Variants in FSTL4 observed in about 807,000 individuals in gnomAD.
The protein encoded by FSTL4 is follistatin like 4, also known as follistatin-related protein 4.
FSTL4 carries 28 observed loss-of-function variants against 78.2 expected under a neutral mutation model. That is an observed-to-expected ratio of 0.36 (90% CI 0.27 to 0.49). The LOEUF (loss-of-function observed/expected upper bound fraction) is 0.49. FSTL4 is among the 20% of genes least tolerant of loss of function. The pLI, the probability that FSTL4 is intolerant of heterozygous loss-of-function variation, is 0.98. For missense variants in FSTL4, 922 were observed against 1,084.9 expected (o/e 0.85, Z 2.11); for synonymous variants, 422 against 440.5 (o/e 0.96, Z 0.53).
chr5:133,223,975 T>TA, intron 11 of FSTL4: 1 of 499,618 alleles, frequency 2.0e-6, no homozygotes, highest in Admixed American at 3.8e-5. Flanking sequence ...AAGCCACTTT[T>TA]AATGAAAGCT....
chr5:133,653,665 C>T, the FSTL4 span, among the ~76,000 whole-genome samples: 1 of 152,250 alleles, frequency 6.6e-6, no homozygotes, highest in East Asian at 1.9e-4. Flanking sequence ...CAGTCCACCA[C>T]TGTCCATGCT....
At chr5:133,206,334 T>C (rs1750503746) in intron 14 of FSTL4, among the ~76,000 whole-genome samples, 1 of 151,674 alleles carries the variant, frequency 6.6e-6, no homozygotes, top group African/African-American at 2.4e-5. Flanking sequence ...GTTCTAAAAT[T>C]TGTTGCCTCA....
At chr5:133,525,415 T>G (rs950445034) in intron 3 of FSTL4, among the ~76,000 whole-genome samples, 1 of 152,140 alleles carries the variant, frequency 6.6e-6, no homozygotes, top group African/African-American at 2.4e-5. Context: ...TTAGGGAGAA[T>G]TAGAGCAAGC....
intron 3 of FSTL4, among the ~76,000 whole-genome samples, chr5:133,404,933 T>C (rs1191477438): frequency 6.6e-6 from 1 of 152,146 alleles, no homozygotes; most frequent in Non-Finnish European, 1.5e-5. Context: ...TGCTCCCTTC[T>C]CAGGGACAGT....
the FSTL4 span, among the ~76,000 whole-genome samples, chr5:133,725,652 G>A: frequency 6.6e-6 from 1 of 152,172 alleles, no homozygotes; most frequent in East Asian, 1.9e-4. Flanking sequence ...AAAACGTCAT[G>A]ATGGATGAGG....
chr5:133,517,447 A>AAAAATATATATATATATATATATAT (rs1554068019), intron 3 of FSTL4, among the ~76,000 whole-genome samples: 1 of 16,396 alleles, frequency 6.1e-5, no homozygotes, highest in Non-Finnish European at 1.0e-4. Context: ...AAAAAAAAAA[A>AAAAATATATATATATATATATATAT]ATATATATAT....
intron 4 of FSTL4, among the ~76,000 whole-genome samples, chr5:133,325,331 G>A (rs991791567): frequency 6.6e-6 from 1 of 152,212 alleles, no homozygotes; most frequent in African/African-American, 2.4e-5. Context: ...TACACAGGCA[G>A]AATGTGGGGT....
intron 6 of FSTL4, among the ~76,000 whole-genome samples, chr5:133,312,190 C>T (rs1302522324): frequency 6.6e-6 from 1 of 152,170 alleles, no homozygotes; most frequent in African/African-American, 2.4e-5. Context: ...TCACATTGGA[C>T]CCTCACTCTC....
At chr5:133,555,479 T>A (rs1033445996) in intron 3 of FSTL4, among the ~76,000 whole-genome samples, 3 of 152,206 alleles carry the variant, frequency 2.0e-5, no homozygotes, top group Non-Finnish European at 2.9e-5. Flanking sequence ...CCAATGACCA[T>A]ATCTTCACTC....
In FSTL4 at chr5:133,258,773, T is replaced by C. The variant is rs58524434; in HGVS notation, c.728-9197A>G. 5.9e-3 allele frequency among the ~76,000 whole-genome samples: 894 copies of C among 152,332 alleles called. 11 individuals are homozygous for C. The highest frequency in any genetic ancestry group is 0.021 in the African/African-American group (854 of 41,578). On this transcript the variant is annotated intron_variant, in intron 6 of 15. Transcript: ENST00000265342. ...GAGATTTTGGGATTTCTATAGCAGCTGGTGTTAATTACATAACACACCCCC... is the reference window on the plus strand; with the variant it reads ...GAGATTTTGGGATTTCTATAGCAGCCGGTGTTAATTACATAACACACCCCC...
At chr5:133,475,802 C>A (rs186356205) in intron 3 of FSTL4, among the ~76,000 whole-genome samples, 1 of 152,168 alleles carries the variant, frequency 6.6e-6, no homozygotes, top group African/African-American at 2.4e-5. Flanking sequence ...CAGCCCTCCC[C>A]GCTACTTCAA....
chr5:133,753,634 C>G, the FSTL4 span, among the ~76,000 whole-genome samples: 41 of 151,990 alleles, frequency 2.7e-4, no homozygotes. Flanking sequence ...TTGACCCTGC[C>G]TGGACTTATC....
chr5:133,467,583 C>T (rs967323214), intron 3 of FSTL4, among the ~76,000 whole-genome samples: 3 of 152,128 alleles, frequency 2.0e-5, no homozygotes, highest in African/African-American at 7.2e-5. Context: ...CTGCAGAAAT[C>T]TGGGTCACAG....
the FSTL4 span, among the ~76,000 whole-genome samples, chr5:133,699,484 T>C: frequency 8.6e-5 from 13 of 151,990 alleles, no homozygotes; most frequent in South Asian, 2.7e-3. Context: ...TTGGTGTTAG[T>C]GTTTTGATTT....
At chr5:133,381,684 A>T (rs1755576090) in intron 4 of FSTL4, among the ~76,000 whole-genome samples, 1 of 152,214 alleles carries the variant, frequency 6.6e-6, no homozygotes, top group African/African-American at 2.4e-5. Flanking sequence ...CACTGTCTGT[A>T]TGCCATACGT....
At chr5:133,255,406 T>C (rs10477751) in intron 6 of FSTL4, among the ~76,000 whole-genome samples, 4,240 of 152,304 alleles carry the variant, frequency 0.028, 196 homozygotes, top group African/African-American at 0.096. Flanking sequence ...TGGGGGGTTC[T>C]CAAAGCTCAG....
At chr5:133,733,573 G>A in the FSTL4 span, among the ~76,000 whole-genome samples, 1 of 152,116 alleles carries the variant, frequency 6.6e-6, no homozygotes, top group African/African-American at 2.4e-5. Context: ...GGGACATTCT[G>A]TAAAACAACT....
At chr5:133,657,749 C>A in the FSTL4 span, among the ~76,000 whole-genome samples, 1 of 147,274 alleles carries the variant, frequency 6.8e-6, no homozygotes, top group African/African-American at 2.5e-5. Context: ...AAATGTAAAT[C>A]TAGCTTACTG....
chr5:133,518,671 A>T (rs1280409722), intron 3 of FSTL4, among the ~76,000 whole-genome samples: 1 of 152,238 alleles, frequency 6.6e-6, no homozygotes, highest in Non-Finnish European at 1.5e-5. Flanking sequence ...GTATATGGAC[A>T]AGGATATAAG....
Sources: gnomAD v4.1 joint callset for allele counts (sites outside exome capture counted in the v4.1 genomes callset) on GRCh38, gnomAD v4.1.1 for gene constraint, MANE v1.5 for transcripts, NCBI Gene and HGNC (gene_info 2026-07-23, HGNC 2026-07-21) for gene names.